The following CCSER1 variants were observed in gnomAD, a reference collection of about 807,000 sequenced individuals.
CCSER1 encodes the protein coiled-coil serine rich protein 1.
In CCSER1, 41 loss-of-function variants were observed where a neutral mutation model predicts 82.0. That is an observed-to-expected ratio of 0.50 (90% CI 0.39 to 0.65). The LOEUF (loss-of-function observed/expected upper bound fraction) is 0.65, where lower values mean the gene tolerates loss of function less well. Ranked by LOEUF, CCSER1 falls within the 30% of genes least tolerant of loss-of-function variation. The pLI is 0.00. For missense variants in CCSER1, 1,119 were observed against 1,064.2 expected, an observed-to-expected ratio of 1.05 and a Z score of -0.72; for synonymous variants, 414 against 383.9, an observed-to-expected ratio of 1.08 and a Z score of -0.92.
intron 7 of CCSER1, among the ~76,000 whole-genome samples, chr4:90,791,010 A>C (rs1755148669): frequency 6.6e-6 from 1 of 152,216 alleles, no homozygotes; most frequent in Admixed American, 6.5e-5. Context: ...TATAAAGAAA[A>C]GAGATTTAAT....
chr4:90,797,552 G>A (rs968353632), intron 7 of CCSER1, among the ~76,000 whole-genome samples: 21 of 152,144 alleles, frequency 1.4e-4, no homozygotes, highest in African/African-American at 4.6e-4. Context: ...ACTTGTTTAT[G>A]TGGTTGCTTC....
intron 3 of CCSER1, among the ~76,000 whole-genome samples, chr4:90,330,011 A>G (rs1738987743): frequency 6.6e-6 from 1 of 152,178 alleles, no homozygotes; most frequent in East Asian, 1.9e-4. Flanking sequence ...TCAAAGACCA[A>G]AAAATAACAT....
intron 8 of CCSER1, among the ~76,000 whole-genome samples, chr4:90,826,091 G>T (rs560343573): frequency 6.6e-6 from 1 of 152,176 alleles, no homozygotes; most frequent in Non-Finnish European, 1.5e-5. Context: ...TACTTTCCTT[G>T]TAAGAGTTAA....
intron 10 of CCSER1, among the ~76,000 whole-genome samples, chr4:91,389,315 C>A (rs189027743): frequency 6.6e-6 from 1 of 151,990 alleles, no homozygotes; most frequent in Admixed American, 6.6e-5. Flanking sequence ...TTTTCCAGCA[C>A]CATTTGTTGA....
chr4:90,199,080 T>C (rs1316782271), intron 1 of CCSER1, among the ~76,000 whole-genome samples: 2 of 152,188 alleles, frequency 1.3e-5, no homozygotes, highest in Admixed American at 1.3e-4. Flanking sequence ...TCCCAATCTT[T>C]TGTAACAAGA....
At chr4:90,295,049 T>G (rs1731614594) in intron 1 of CCSER1, among the ~76,000 whole-genome samples, 2 of 152,000 alleles carry the variant, frequency 1.3e-5, no homozygotes, top group Admixed American at 1.3e-4. Context: ...TATGTTTAGC[T>G]CTTATATATT....
At chr4:91,579,118 ATATTAT>A (rs925488520) in intron 10 of CCSER1, among the ~76,000 whole-genome samples, 2 of 150,870 alleles carry the variant, frequency 1.3e-5, no homozygotes, top group African/African-American at 2.4e-5. Context: ...TATTATTATT[ATATTAT>A]TATTATTATT....
chr4:91,546,671 T>G (rs1295292630), intron 10 of CCSER1, among the ~76,000 whole-genome samples: 1 of 152,062 alleles, frequency 6.6e-6, no homozygotes. Context: ...TTATTGATTT[T>G]ACATAAAATC....
chr4:90,433,894 TG>T (rs1218047260), intron 4 of CCSER1, among the ~76,000 whole-genome samples: 1 of 151,718 alleles, frequency 6.6e-6, no homozygotes, highest in Non-Finnish European at 1.5e-5. Flanking sequence ...ATATGCAAAT[TG>T]TAAGACAAGA....
intron 4 of CCSER1, among the ~76,000 whole-genome samples, chr4:90,404,476 T>TA (rs1232197703): frequency 6.6e-6 from 1 of 152,188 alleles, no homozygotes; most frequent in Admixed American, 6.5e-5. Flanking sequence ...CAAGTGTCCC[T>TA]AGGGCAAGTT....
At chr4:91,368,135 T>A (rs1749769409) in intron 10 of CCSER1, among the ~76,000 whole-genome samples, 2 of 152,180 alleles carry the variant, frequency 1.3e-5, no homozygotes, top group Non-Finnish European at 2.9e-5. Flanking sequence ...TTTTTTTTAT[T>A]TCTGCATTTC....
chr4:91,340,661 TAGATAATTAC>T (rs765795251), intron 10 of CCSER1, among the ~76,000 whole-genome samples: 94 of 152,188 alleles, frequency 6.2e-4, no homozygotes, highest in Non-Finnish European at 1.1e-3. Context: ...TAATATATTA[TAGATAATTAC>T]AGCTTATAAA....
chr4:91,035,463 T>C (rs1387616853), intron 9 of CCSER1, among the ~76,000 whole-genome samples: 2 of 152,154 alleles, frequency 1.3e-5, no homozygotes, highest in East Asian at 3.9e-4. Flanking sequence ...TCCATAAAAC[T>C]GAAGGGCACT....
chr4:90,982,116 G>A (rs1426681260), intron 9 of CCSER1, among the ~76,000 whole-genome samples: 1 of 151,766 alleles, frequency 6.6e-6, no homozygotes, highest in Non-Finnish European at 1.5e-5. Flanking sequence ...CATAAACTGG[G>A]TGGCTTAACA....
chr4:90,622,990 T>C (rs1056274733), intron 5 of CCSER1, among the ~76,000 whole-genome samples: 19 of 151,888 alleles, frequency 1.3e-4, no homozygotes, highest in Admixed American at 1.3e-4. Context: ...TTTGCTGATG[T>C]TTTATAAGGG....
intron 1 of CCSER1, among the ~76,000 whole-genome samples, chr4:90,262,102 TATTTC>T (rs1414426070): frequency 6.6e-6 from 1 of 151,948 alleles, no homozygotes; most frequent in African/African-American, 2.4e-5. Flanking sequence ...CTATTTCAAA[TATTTC>T]ATCTTGGTTT....
chr4:91,489,583 T>C (rs1310572369), intron 10 of CCSER1, among the ~76,000 whole-genome samples: 1 of 152,046 alleles, frequency 6.6e-6, no homozygotes, highest in Non-Finnish European at 1.5e-5. Context: ...GGCTGACTGA[T>C]CACCTGAGGT....
At chr4:90,963,461 T>C (rs1373898151) in intron 9 of CCSER1, among the ~76,000 whole-genome samples, 3 of 152,132 alleles carry the variant, frequency 2.0e-5, no homozygotes, top group South Asian at 2.1e-4. Flanking sequence ...ATATTTGAAG[T>C]CATAACCCAC....
intron 10 of CCSER1, among the ~76,000 whole-genome samples, chr4:91,223,313 A>T (rs1383767295): frequency 1.3e-5 from 2 of 152,188 alleles, no homozygotes; most frequent in Non-Finnish European, 2.9e-5. Context: ...TGTAGACAAT[A>T]CACTATCATC....
Sources: gnomAD v4.1 joint callset for allele counts (sites outside exome capture counted in the v4.1 genomes callset) on GRCh38, gnomAD v4.1.1 for gene constraint, MANE v1.5 for transcripts, NCBI Gene and HGNC (gene_info 2026-07-23, HGNC 2026-07-21) for gene names.